Variants in FANK1 observed in about 807,000 individuals in gnomAD.
The protein encoded by FANK1 is fibronectin type 3 and ankyrin repeat domains protein 1.
Under a neutral mutation model 45.3 loss-of-function variants are expected in FANK1, and 44 were observed. The observed-to-expected ratio is 0.97, with a 90% CI of 0.76 to 1.25. The LOEUF (loss-of-function observed/expected upper bound fraction) is 1.25. Ranked by LOEUF, FANK1 falls within the 50% of genes most tolerant of loss-of-function variation. The probability of loss-of-function intolerance (pLI) is 0.00; values close to 1 mark genes in which losing one functional copy is unlikely to be tolerated. For synonymous variants in FANK1, 149 were observed against 152.5 expected (o/e 0.98, Z 0.17); for missense variants, 391 against 424.4 (o/e 0.92, Z 0.69).
chr10:125,918,851 G>T lies in FANK1; in HGVS notation c.13+22196G>T, dbSNP rs79990106. Among the ~76,000 whole-genome samples, 4 of 151,826 alleles carry T rather than the reference G, an allele frequency of 2.6e-5. No individual in the cohort carries two copies. In the East Asian group the frequency reaches 7.7e-4, roughly 29 times the overall value. On this transcript the variant is annotated intron_variant, in intron 1 of 10. Transcript: ENST00000368693. Reference sequence around the variant, plus strand: ...TATGCCCTAGATAGTTGGAGAAATTGCAGGGGAGAATCTCAGAAATAACTA... The same window carrying T: ...TATGCCCTAGATAGTTGGAGAAATTTCAGGGGAGAATCTCAGAAATAACTA...
chr10:125,935,607 T>C (rs1177732288), intron 1 of FANK1, among the ~76,000 whole-genome samples: 2 of 152,206 alleles, frequency 1.3e-5, no homozygotes, highest in African/African-American at 4.8e-5. Flanking sequence ...AAAAAGATTA[T>C]AAATCTGTCT....
rs556570429 is a variant in FANK1 at position 125,917,025 on chromosome 10, C to A, written c.13+20370C>A. Among the ~76,000 whole-genome samples, 4 of 152,380 alleles carry A rather than the reference C, an allele frequency of 2.6e-5. No individual in the cohort carries two copies. In the South Asian group the frequency reaches 8.3e-4, roughly 32 times the overall value. On this transcript the variant is annotated intron_variant, in intron 1 of 10. Transcript: ENST00000368693. ...CCCCTTTTTGTCCTCTCACAATTTT[C>A]TGCTTCTCTCCACTTTTCATCAAAC...
chr10:125,911,256 A>G (rs1279998498), intron 1 of FANK1, among the ~76,000 whole-genome samples: 4 of 152,108 alleles, frequency 2.6e-5, no homozygotes, highest in African/African-American at 9.7e-5. Context: ...GCAGTGATAC[A>G]CGATCATAGA....
At position 126,009,409 on chromosome 10, in the gene FANK1, C is replaced by G; in HGVS notation, c.1009C>G (p.Gln337Glu). ...CTTATTAGAAGAAAGGAAAAAAAAG[C>G]AGAGGCCAAAGAAGTCTTGTGTCTG... Reference protein sequence around the residue: ...VSLLEERKKKQRPKKSCVC With the variant: ...VSLLEERKKKERPKKSCVC Residue 337 changes from glutamine to glutamate, a missense_variant, in exon 11 of 11, where the codon CAG (glutamine) becomes GAG (glutamate). Coordinates refer to ENST00000368693, the MANE Select transcript of FANK1 (RefSeq NM_145235.5). 1 of 1,614,108 alleles carries G rather than the reference C, an allele frequency of 6.2e-7. No homozygotes were observed. The highest frequency in any genetic ancestry group is 8.5e-7 in the Non-Finnish European group (1 of 1,180,026).
intron 1 of FANK1, among the ~76,000 whole-genome samples, chr10:125,960,781 C>T (rs938457814): frequency 7.2e-5 from 11 of 152,180 alleles, no homozygotes; most frequent in African/African-American, 1.4e-4. Flanking sequence ...GTTATCTGCC[C>T]GCCTCGGCCT....
intron 1 of FANK1, 141 bp from the exon 2 acceptor site, chr10:125,980,020 T>A (rs931216785): frequency 2.0e-5 from 17 of 833,948 alleles, no homozygotes; most frequent in Non-Finnish European, 3.2e-5. Flanking sequence ...AGGGGTTCTT[T>A]AAGCAACAGG....
At chr10:125,936,965 G>C (rs1200234973) in intron 1 of FANK1, among the ~76,000 whole-genome samples, 2 of 152,068 alleles carry the variant, frequency 1.3e-5, no homozygotes, top group Admixed American at 1.3e-4. Context: ...TACTCCGGAG[G>C]CTGAGGCAGG....
Position 125,981,334 on chromosome 10 carries a change from C to T in FANK1, c.191+996C>T, listed in dbSNP as rs372725412. The stretch of plus-strand genomic sequence containing the variant: ...ACCAGCCTAGGCAACATAGTGAAAT[C>T]CCATCTCTACAAAAAATCCAAAAGT... On this transcript the variant is annotated intron_variant, in intron 2 of 10. Coordinates refer to ENST00000368693, the MANE Select transcript of FANK1 (RefSeq NM_145235.5). 3.7e-4 allele frequency among the ~76,000 whole-genome samples: 57 copies of T among 152,106 alleles called. No individual in the cohort carries two copies. The South Asian group carries it at 7.1e-3, about 19-fold the overall frequency.
chr10:125,922,889 G>A (rs199935755), intron 1 of FANK1, among the ~76,000 whole-genome samples: 2 of 152,104 alleles, frequency 1.3e-5, no homozygotes, highest in Non-Finnish European at 2.9e-5. Context: ...CACTTGCCTT[G>A]TTGGGTTTTG....
chr10:125,979,939 G>A, intron 1 of FANK1: 1 of 636,020 alleles, frequency 1.6e-6, no homozygotes, highest in South Asian at 1.6e-5. Context: ...GATGGGCATG[G>A]TACAATATAT....
At chr10:125,989,109 T>G (rs1450942335) in intron 3 of FANK1, among the ~76,000 whole-genome samples, 2 of 152,290 alleles carry the variant, frequency 1.3e-5, no homozygotes, top group South Asian at 2.1e-4. Flanking sequence ...ACAAACCCGA[T>G]TCCTGGGGTC....
rs1945369680 is a variant in FANK1 at position 125,905,023 on chromosome 10, AG to A, written c.13+8371del. ...GTGGGCGCCTGTAGTCCCAGCTACC[AG>A]GGAGGCTGAGACAGGAGAATGGTGT... On this transcript the variant is annotated intron_variant, in intron 1 of 10. Transcript: ENST00000368693. 3.3e-5 allele frequency among the ~76,000 whole-genome samples: 5 copies of A among 150,034 alleles called. 1 individual carries two copies. The South Asian group carries it at 1.1e-3, about 32-fold the overall frequency.
intron 8 of FANK1, 100 bp from the exon 9 acceptor site, chr10:126,008,954 G>T: frequency 2.7e-6 from 3 of 1,116,850 alleles, no homozygotes; most frequent in Non-Finnish European, 3.9e-6. Flanking sequence ...GGGGTTGCAG[G>T]GGGGCTGCTG....
intron 1 of FANK1, among the ~76,000 whole-genome samples, chr10:125,954,333 G>A (rs889918024): frequency 1.3e-5 from 2 of 152,182 alleles, no homozygotes; most frequent in African/African-American, 4.8e-5. Context: ...GGAACGAAGA[G>A]CAAGGATGCT....
At chr10:126,007,656 G>A (rs999175432) in intron 7 of FANK1, among the ~76,000 whole-genome samples, 3 of 150,880 alleles carry the variant, frequency 2.0e-5, no homozygotes, top group African/African-American at 7.3e-5. Context: ...ACGTGCTCAT[G>A]TGTGCTTATG....
At chr10:125,993,800 A>T (rs928884916) in intron 3 of FANK1, among the ~76,000 whole-genome samples, 1 of 152,346 alleles carries the variant, frequency 6.6e-6, no homozygotes, top group Non-Finnish European at 1.5e-5. Context: ...AGCTAAAAAA[A>T]GTCTGTAAGA....
chr10:125,909,945 GAAGTAT>G (rs1945857234), intron 1 of FANK1, among the ~76,000 whole-genome samples: 5 of 151,436 alleles, frequency 3.3e-5, no homozygotes, highest in African/African-American at 1.2e-4. Flanking sequence ...AAATTGTATT[GAAGTAT>G]AATATACCTG....
intron 6 of FANK1, chr10:126,004,448 A>G (rs533216599): frequency 6.4e-6 from 1 of 156,502 alleles, no homozygotes; most frequent in South Asian, 2.0e-4. Context: ...AACCACCACT[A>G]CTATCTACTT....
chr10:125,976,476 A>G (rs1950861322), intron 1 of FANK1, among the ~76,000 whole-genome samples: 1 of 152,108 alleles, frequency 6.6e-6, no homozygotes, highest in Admixed American at 6.5e-5. Context: ...CTCTTTACAT[A>G]ATCCATTCTT....
Sources: allele counts gnomAD v4.1 joint callset (sites outside exome capture counted in the v4.1 genomes callset), GRCh38; gene constraint gnomAD v4.1.1; transcripts MANE v1.5; gene names NCBI Gene and HGNC (gene_info 2026-07-23, HGNC 2026-07-21).